AGBL4: variants seen among roughly 807,000 people sequenced by gnomAD.
AGBL4 encodes cytosolic carboxypeptidase 6.
In AGBL4, 58 loss-of-function variants were observed where a neutral mutation model predicts 66.4. The observed-to-expected ratio is 0.87, with a 90% confidence interval of 0.71 to 1.09. The LOEUF (loss-of-function observed/expected upper bound fraction) is 1.09. Ranked by LOEUF, AGBL4 falls within the 50% of genes least tolerant of loss-of-function variation. The pLI is 0.00. For missense variants in AGBL4, 579 were observed against 631.0 expected, an observed-to-expected ratio of 0.92 and a Z score of 0.88; for synonymous variants, 234 against 222.9, an observed-to-expected ratio of 1.05 and a Z score of -0.44.
At chr1:49,860,222 T>TA (rs888444303) in intron 1 of AGBL4, among the ~76,000 whole-genome samples, 12 of 151,650 alleles carry the variant, frequency 7.9e-5, no homozygotes, top group Non-Finnish European at 1.0e-4. Flanking sequence ...GCAAACAAAC[T>TA]AAAAAAAATC....
intron 1 of AGBL4, among the ~76,000 whole-genome samples, chr1:49,941,346 G>A (rs1654742254): frequency 6.6e-6 from 1 of 152,036 alleles, no homozygotes; most frequent in Admixed American, 6.6e-5. Context: ...ATTTTCTCAA[G>A]AATGTACAGG....
intron 4 of AGBL4, among the ~76,000 whole-genome samples, chr1:49,153,010 A>G (rs1395762994): frequency 6.6e-6 from 1 of 152,120 alleles, no homozygotes; most frequent in African/African-American, 2.4e-5. Context: ...TAAGAAGGAA[A>G]CATGGAAGGG....
chr1:49,672,944 AAAG>A (rs1399138457), intron 3 of AGBL4, among the ~76,000 whole-genome samples: 2 of 150,748 alleles, frequency 1.3e-5, no homozygotes, highest in Non-Finnish European at 3.0e-5. Context: ...AAAAAAAAGA[AAAG>A]AAAAGATAGA....
chr1:49,252,265 G>A (rs539632245), intron 3 of AGBL4, among the ~76,000 whole-genome samples: 6 of 152,150 alleles, frequency 3.9e-5, no homozygotes, highest in Admixed American at 2.6e-4. Flanking sequence ...TAATGCAATT[G>A]CAAGTATTAA....
intron 4 of AGBL4, among the ~76,000 whole-genome samples, chr1:49,113,287 C>T (rs1020850276): frequency 6.6e-6 from 1 of 151,582 alleles, no homozygotes; most frequent in Non-Finnish European, 1.5e-5. Context: ...CTCTGTCACC[C>T]AGGCTGGAGC....
At chr1:48,723,152 T>G (rs1647178418) in intron 6 of AGBL4, among the ~76,000 whole-genome samples, 1 of 152,164 alleles carries the variant, frequency 6.6e-6, no homozygotes, top group African/African-American at 2.4e-5. Context: ...AGCTATTTAT[T>G]AGTTGGTGAG....
At chr1:49,756,660 C>T (rs1237533468) in intron 2 of AGBL4, among the ~76,000 whole-genome samples, 1 of 152,114 alleles carries the variant, frequency 6.6e-6, no homozygotes, top group South Asian at 2.1e-4. Context: ...AGGGAGTTTA[C>T]CCCCATGCTG....
intron 2 of AGBL4, among the ~76,000 whole-genome samples, chr1:49,737,839 A>G (rs1650026347): frequency 6.6e-6 from 1 of 152,228 alleles, no homozygotes; most frequent in African/African-American, 2.4e-5. Context: ...ATAAAAAAAG[A>G]TAGTCTTAGA....
intron 3 of AGBL4, among the ~76,000 whole-genome samples, chr1:49,614,102 G>A (rs541342561): frequency 1.4e-3 from 215 of 152,064 alleles, no homozygotes; most frequent in African/African-American, 4.9e-3. Context: ...AAAATTGCAC[G>A]AATTACAGAT....
intron 3 of AGBL4, among the ~76,000 whole-genome samples, chr1:49,457,549 A>G (rs1646417308): frequency 6.6e-6 from 1 of 151,776 alleles, no homozygotes; most frequent in Admixed American, 6.6e-5. Flanking sequence ...TGCTGTGCAG[A>G]AGCTTTTAAG....
chr1:49,983,967 G>T (rs1264489221), intron 1 of AGBL4, among the ~76,000 whole-genome samples: 1 of 152,124 alleles, frequency 6.6e-6, no homozygotes, highest in African/African-American at 2.4e-5. Flanking sequence ...CTCTTTTGGG[G>T]TTTAGACACA....
At chr1:49,206,663 T>C (rs1648157096) in intron 4 of AGBL4, among the ~76,000 whole-genome samples, 1 of 152,076 alleles carries the variant, frequency 6.6e-6, no homozygotes, top group Non-Finnish European at 1.5e-5. Flanking sequence ...ATTTGTTATC[T>C]GCATTTGGGC....
At chr1:49,224,616 CAAAAAAAAAAAA>C in intron 4 of AGBL4, among the ~76,000 whole-genome samples, 1 of 74,732 alleles carries the variant, frequency 1.3e-5, no homozygotes, top group East Asian at 3.3e-4. Flanking sequence ...GACTCCCTCT[CAAAAAAAAAAAA>C]AAAAAAAAGA....
chr1:49,837,378 C>G (rs572502280), intron 2 of AGBL4, among the ~76,000 whole-genome samples: 3 of 152,290 alleles, frequency 2.0e-5, no homozygotes, highest in South Asian at 4.1e-4. Context: ...AACCCTCTTT[C>G]CAAAATCTGT....
chr1:49,228,933 T>C (rs1435546589), intron 4 of AGBL4, among the ~76,000 whole-genome samples: 2 of 152,268 alleles, frequency 1.3e-5, no homozygotes. Flanking sequence ...TCCAGCCTCA[T>C]CACCTAGCAC....
chr1:49,667,922 T>C (rs753992973), intron 3 of AGBL4, among the ~76,000 whole-genome samples: 1 of 152,204 alleles, frequency 6.6e-6, no homozygotes, highest in Non-Finnish European at 1.5e-5. Context: ...AGTAAATTAC[T>C]TAACCTTTCT....
chr1:49,822,611 T>C (rs1027067991), intron 2 of AGBL4, among the ~76,000 whole-genome samples: 6 of 152,180 alleles, frequency 3.9e-5, no homozygotes, highest in South Asian at 2.1e-4. Flanking sequence ...AATGCTCATC[T>C]CCAGAAAGCC....
chr1:49,631,492 A>T lies in AGBL4; in HGVS notation c.282+65821T>A, dbSNP rs539483063. Among the ~76,000 whole-genome samples, 42 of 152,264 alleles carry T rather than the reference A, an allele frequency of 2.8e-4. 1 individual carries two copies. In the South Asian group the frequency reaches 5.2e-3, roughly 19 times the overall value. ...CTCCTATCTTTAAAATGCCCAAATC[A>T]TTGTACCTACAAGACAATCCTCTCC... On this transcript the variant is annotated intron_variant, in intron 3 of 13. Coordinates refer to ENST00000371839, the MANE Select transcript of AGBL4 (RefSeq NM_032785.4).
chr1:48,731,404 A>G (rs1411218960), intron 6 of AGBL4, among the ~76,000 whole-genome samples: 1 of 152,172 alleles, frequency 6.6e-6, no homozygotes, highest in East Asian at 1.9e-4. Flanking sequence ...TTTCCTTCTC[A>G]TTCACGTACA....
Sources: allele counts gnomAD v4.1 joint callset (sites outside exome capture counted in the v4.1 genomes callset), GRCh38; gene constraint gnomAD v4.1.1; transcripts MANE v1.5; gene names NCBI Gene and HGNC (gene_info 2026-07-23, HGNC 2026-07-21).